The following HCK variants were observed in gnomAD, a reference collection of about 807,000 sequenced individuals.
HCK encodes HCK proto-oncogene, Src family tyrosine kinase.
Under a neutral mutation model 70.4 loss-of-function variants are expected in HCK, and 40 were observed. The ratio of observed to expected loss-of-function variants is 0.57; its 90% CI spans 0.44 to 0.74. The LOEUF (loss-of-function observed/expected upper bound fraction) is 0.74, where lower values mean the gene tolerates loss of function less well. HCK is among the 30% of genes least tolerant of loss of function. The probability of loss-of-function intolerance (pLI) is 0.00; values close to 1 mark genes in which losing one functional copy is unlikely to be tolerated. For missense variants in HCK, 568 were observed against 697.2 expected (o/e 0.81, Z 2.09); for synonymous variants, 245 against 263.2 (o/e 0.93, Z 0.67).
chr20:32,087,888 C>T (rs781386576), intron 9 of HCK, among the ~76,000 whole-genome samples: 11 of 152,008 alleles, frequency 7.2e-5, no homozygotes, highest in African/African-American at 9.7e-5. Flanking sequence ...GTGATCCGCC[C>T]GCCTCAGCCT....
intron 1 of HCK, among the ~76,000 whole-genome samples, chr20:32,061,474 G>A (rs866885564): frequency 5.3e-5 from 8 of 152,244 alleles, no homozygotes; most frequent in Middle Eastern, 3.4e-3. Context: ...TTCTCCAGTC[G>A]TACTCCTGCA....
At chr20:32,091,755 G>T (rs2045866228) in intron 10 of HCK, among the ~76,000 whole-genome samples, 1 of 151,710 alleles carries the variant, frequency 6.6e-6, no homozygotes, top group African/African-American at 2.4e-5. Flanking sequence ...GGAAGCTGAA[G>T]CAGGAGGATC....
At chr20:32,074,854 C>G (rs1471767788) in intron 5 of HCK, 133 bp downstream of exon 5, 1 of 627,314 alleles carries the variant, frequency 1.6e-6, no homozygotes, top group African/African-American at 1.8e-5. Flanking sequence ...TTGGCTGGCT[C>G]CTTCTCTTCC....
In HCK at chr20:32,093,960, T is replaced by G. The variant is rs1331568521; in HGVS notation, c.1190T>G (p.Ile397Ser). The G allele has an allele frequency of 2.5e-6, 4 of 1,613,076 alleles. No homozygotes were observed. The highest frequency in any genetic ancestry group is 2.5e-6 in the Non-Finnish European group (3 of 1,179,878). Residue 397 changes from isoleucine (I) to serine (S), a missense_variant, in exon 11 of 13, where the codon ATT (isoleucine) becomes AGT (serine). Physicochemically the swap from Ile to Ser is moderately radical, Grantham distance 142. This residue lies in a region of HCK where 160 missense variants were observed against 237.5 expected (regional missense o/e 0.67). Transcript: ENST00000375852. ...GTCTCTGCATCCCTGGTGTGTAAGA[T>G]TGCTGACTTTGGCCTGGCCCGGGTC...
At chr20:32,097,261 C>G (rs531109039) in intron 11 of HCK, among the ~76,000 whole-genome samples, 89 of 150,918 alleles carry the variant, frequency 5.9e-4, no homozygotes, top group African/African-American at 2.1e-3. Flanking sequence ...GCCTGTGTAA[C>G]AGAGCAAGAC....
At chr20:32,094,837 G>GAAAGA (rs2045932246) in intron 11 of HCK, among the ~76,000 whole-genome samples, 1 of 113,254 alleles carries the variant, frequency 8.8e-6, no homozygotes, top group African/African-American at 3.1e-5. Context: ...AAGAAAGAAA[G>GAAAGA]AAAGAAAGAA....
chr20:32,055,545 T>C (rs1195569828), intron 1 of HCK, among the ~76,000 whole-genome samples: 1 of 152,242 alleles, frequency 6.6e-6, no homozygotes, highest in Non-Finnish European at 1.5e-5. Flanking sequence ...CATTAAAATG[T>C]TCTTAAATTT....
At chr20:32,070,464 C>T (rs1468460005) in intron 1 of HCK, among the ~76,000 whole-genome samples, 1 of 152,148 alleles carries the variant, frequency 6.6e-6, no homozygotes, top group Non-Finnish European at 1.5e-5. Flanking sequence ...AAGCACATGC[C>T]AGCCTCAGGG....
chr20:32,073,413 C>A, intron 3 of HCK, 52 bp downstream of exon 3: 2 of 1,462,864 alleles, frequency 1.4e-6, no homozygotes, highest in Non-Finnish European at 1.9e-6. Flanking sequence ...CAGAGGACTC[C>A]GCTAGGTTCT....
chr20:32,073,268 G>C (rs772485133), intron 2 of HCK, 51 bp from the exon 3 acceptor site: 2 of 1,511,132 alleles, frequency 1.3e-6, no homozygotes, highest in Admixed American at 1.7e-5. Context: ...CCTTCCACGG[G>C]TCCCCACACA....
At chr20:32,075,217 G>C (rs1379405084) in intron 5 of HCK, among the ~76,000 whole-genome samples, 1 of 152,140 alleles carries the variant, frequency 6.6e-6, no homozygotes, top group Non-Finnish European at 1.5e-5. Flanking sequence ...TTTTGAGACA[G>C]GGTCTCACTC....
intron 11 of HCK, among the ~76,000 whole-genome samples, chr20:32,094,868 C>G (rs200671784): frequency 6.6e-6 from 1 of 151,408 alleles, no homozygotes; most frequent in Admixed American, 6.6e-5. Context: ...GAAAGAGGCA[C>G]AAGCCAATGC....
At position 32,059,432 on chromosome 20, in the gene HCK, T is replaced by TCTTTTTTC. The variant is rs1555874089; in HGVS notation, c.62+6946_62+6947insCTTTTTTC. 1.1e-4 allele frequency among the ~76,000 whole-genome samples: 16 copies of TCTTTTTTC among 147,686 alleles called. 1 individual carries two copies. The highest frequency in any genetic ancestry group is 8.7e-4 in the South Asian group (4 of 4,604). On this transcript the variant is annotated intron_variant, in intron 1 of 12. Coordinates refer to ENST00000375852, the MANE Select transcript of HCK (RefSeq NM_002110.5). ...CTTTCTCTCTCTCTCTTTCTTTCTT[T>TCTTTTTTC]TTTCTTTCTTTCTTTCTTTCTTCTT...
intron 1 of HCK, among the ~76,000 whole-genome samples, chr20:32,065,642 T>C (rs1212289211): frequency 6.6e-6 from 1 of 152,160 alleles, no homozygotes; most frequent in Non-Finnish European, 1.5e-5. Flanking sequence ...CCCTAATTTT[T>C]GCAGCAAAAT....
At chr20:32,082,326 A>G (rs1172930829) in intron 6 of HCK, among the ~76,000 whole-genome samples, 1 of 152,118 alleles carries the variant, frequency 6.6e-6, no homozygotes, top group African/African-American at 2.4e-5. Flanking sequence ...CCTGGCATGT[A>G]CGGTAAGCTA....
intron 10 of HCK, among the ~76,000 whole-genome samples, chr20:32,090,752 A>G (rs1019758368): frequency 6.6e-6 from 1 of 152,156 alleles, no homozygotes; most frequent in Non-Finnish European, 1.5e-5. Context: ...CCTGGGCCCA[A>G]TAAACCTACT....
At chr20:32,083,065 T>A (rs904598682) in intron 6 of HCK, among the ~76,000 whole-genome samples, 10 of 152,020 alleles carry the variant, frequency 6.6e-5, no homozygotes, top group African/African-American at 2.4e-4. Flanking sequence ...GAGAATTCAT[T>A]TTCTTGCCTT....
chr20:32,097,186 G>A (rs907685047), intron 11 of HCK, among the ~76,000 whole-genome samples: 1 of 151,736 alleles, frequency 6.6e-6, no homozygotes, highest in Non-Finnish European at 1.5e-5. Context: ...AGGCTGAGGC[G>A]GGAGAATCGC....
rs771313242 is a variant in HCK, at chr20:32,094,025, C to G, written c.1246+9C>G. ...GTACACGGCTCGGGAAGGTAGGGAA[C>G]GCTGCCAAGCAGCCCCACGTTGCCC... On this transcript the variant is annotated intron_variant, in intron 11 of 12. Coordinates refer to ENST00000375852, the MANE Select transcript of HCK (RefSeq NM_002110.5). 1.2e-6 allele frequency: 2 copies of G among 1,608,570 alleles called. No homozygotes were observed. The highest frequency in any genetic ancestry group is 3.4e-5 in the Admixed American group (2 of 58,236).
Sources: allele counts gnomAD v4.1 joint callset (sites outside exome capture counted in the v4.1 genomes callset), GRCh38; gene constraint gnomAD v4.1.1; regional missense constraint gnomAD v4.1.1; transcripts MANE v1.5; gene names NCBI Gene and HGNC (gene_info 2026-07-23, HGNC 2026-07-21).